Variants in NAT10 observed in about 807,000 individuals in gnomAD.
NAT10 encodes RNA cytidine acetyltransferase.
NAT10 carries 109 observed loss-of-function variants against 132.2 expected under a neutral mutation model. The observed-to-expected ratio is 0.82, with a 90% CI of 0.71 to 0.97. The LOEUF is 0.97. Ranked by LOEUF, NAT10 falls within the 50% of genes least tolerant of loss-of-function variation. The pLI is 0.00. For missense variants in NAT10, 1,184 were observed against 1,263.4 expected, an observed-to-expected ratio of 0.94 and a Z score of 0.95; for synonymous variants, 479 against 478.0, an observed-to-expected ratio of 1.00 and a Z score of -0.03.
chr11:34,135,919 G>A (rs1181245903), intron 19 of NAT10, among the ~76,000 whole-genome samples: 1 of 151,774 alleles, frequency 6.6e-6, no homozygotes, highest in Non-Finnish European at 1.5e-5. Context: ...CTGTGATCTC[G>A]CCACTGGACT....
At position 34,126,856 on chromosome 11, in the gene NAT10, A is replaced by G. The variant is rs531262325; in HGVS notation, c.1108-607A>G. Among the ~76,000 whole-genome samples, 39 of 152,360 alleles carry G rather than the reference A, an allele frequency of 2.6e-4. No individual in the cohort carries two copies. In the East Asian group the frequency reaches 6.9e-3, roughly 27 times the overall value. ...AGAGGTTGTTTGTATGCATAAAGAT[A>G]TGTAAGTGTTTATGTATTAAGAAAA... On this transcript the variant is annotated intron_variant, in intron 11 of 28. Coordinates refer to ENST00000257829, the MANE Select transcript of NAT10 (RefSeq NM_024662.3).
chr11:34,136,588 A>T, intron 19 of NAT10, 54 bp from the exon 20 acceptor site: 1 of 1,607,126 alleles, frequency 6.2e-7, no homozygotes, highest in Non-Finnish European at 8.5e-7. Context: ...GTGCTTGACG[A>T]TGTCTCTCTC....
chr11:34,131,829 G>A (rs1852111552), intron 14 of NAT10, among the ~76,000 whole-genome samples: 1 of 151,896 alleles, frequency 6.6e-6, no homozygotes, highest in Admixed American at 6.6e-5. Flanking sequence ...GGGATTACAG[G>A]TGCCAGCCAC....
intron 1 of NAT10, chr11:34,106,041 G>C (rs1252600003): frequency 6.6e-6 from 1 of 152,564 alleles, no homozygotes; most frequent in African/African-American, 2.4e-5. Flanking sequence ...CCACCTCTAA[G>C]TAGTGCCTGT....
intron 25 of NAT10, 85 bp from the exon 26 acceptor site, chr11:34,141,634 A>G (rs1005490763): frequency 4.4e-5 from 52 of 1,182,884 alleles, no homozygotes; most frequent in Admixed American, 3.7e-5. Context: ...ACACCTTTCT[A>G]TAAGACACCA....
At chr11:34,141,690 T>A in intron 25 of NAT10, 29 bp from the exon 26 acceptor site, 2 of 1,607,250 alleles carry the variant, frequency 1.2e-6, no homozygotes. Context: ...TCCTTCATCT[T>A]CTGCTTCTCT....
chr11:34,130,407 C>A (rs1273599503), intron 12 of NAT10, among the ~76,000 whole-genome samples: 1 of 152,206 alleles, frequency 6.6e-6, no homozygotes, highest in Non-Finnish European at 1.5e-5. Flanking sequence ...GACCATTTAA[C>A]TTTGTTCCAG....
intron 19 of NAT10, among the ~76,000 whole-genome samples, chr11:34,135,792 A>G (rs911469619): frequency 1.3e-5 from 2 of 152,140 alleles, no homozygotes; most frequent in Non-Finnish European, 2.9e-5. Flanking sequence ...GCGAAACTCC[A>G]TCTCTACAAA....
chr11:34,140,963 T>C, intron 24 of NAT10, 126 bp from the exon 25 acceptor site: 1 of 1,277,368 alleles, frequency 7.8e-7, no homozygotes, highest in Non-Finnish European at 1.1e-6. Flanking sequence ...AAGATGCCAA[T>C]ATACACAGTG....
chr11:34,123,126 T>C (rs17700714), intron 9 of NAT10, among the ~76,000 whole-genome samples: 12,547 of 152,300 alleles, frequency 0.082, 530 homozygotes, highest in Non-Finnish European at 0.092. Flanking sequence ...CTTACTGTGT[T>C]TGCCTTTGTG....
In NAT10 at chr11:34,132,204, G is replaced by A. The variant is rs774400250; in HGVS notation, c.1600G>A (p.Val534Met). Residue 534 changes from valine to methionine, a missense_variant, in exon 15 of 29, where the codon GTG (valine) becomes ATG (methionine). Physicochemically the swap from Val to Met is conservative, Grantham distance 21 (BLOSUM62 1). Coordinates refer to ENST00000257829, the MANE Select transcript of NAT10 (RefSeq NM_024662.3). ...CCTCCAACGGCTTATGGCCCTCTAC[G>A]TGGCTTCTCACTACAAGGTAACTGC... Reference protein sequence around the residue: ...VFLQRLMALYVASHYKNSPND... With the variant: ...VFLQRLMALYMASHYKNSPND... The A allele has an allele frequency of 7.4e-6, 12 of 1,613,906 alleles. No homozygotes were observed. Among genetic ancestry groups the A allele is most frequent in the South Asian group, 6.6e-5 (6 of 91,082 alleles).
chr11:34,115,923 T>C (rs1851776306), intron 6 of NAT10, 39 bp downstream of exon 6: 4 of 1,597,280 alleles, frequency 2.5e-6, no homozygotes, highest in South Asian at 2.2e-5. Flanking sequence ...GGCAGCCACA[T>C]TGGGAGGGAC....
At chr11:34,108,448 G>A (rs1175738250) in intron 2 of NAT10, 115 bp downstream of exon 2, 2 of 839,628 alleles carry the variant, frequency 2.4e-6, no homozygotes, top group Non-Finnish European at 3.9e-6. Flanking sequence ...TGGCTGGTAA[G>A]ATGCCTAGTG....
chr11:34,106,287 T>C (rs1435795076), intron 1 of NAT10: 1 of 152,278 alleles, frequency 6.6e-6, no homozygotes, highest in Non-Finnish European at 1.5e-5. Flanking sequence ...ATAGATGTTA[T>C]GTGTAGATAG....
At position 34,113,726 on chromosome 11, in the gene NAT10, C is replaced by A. The variant is rs201730594; in HGVS notation, c.383C>A (p.Ala128Asp). The A allele has an allele frequency of 6.2e-7, 1 of 1,613,140 alleles. No homozygotes were observed. The highest frequency in any genetic ancestry group is 2.2e-5 in the East Asian group (1 of 44,840). ...GCCCCCTTCTTCCAGGATTTTGAAGCCTTAACTCCAAACTTGCTGGCCAGG... is the reference window on the plus strand; with the variant it reads ...GCCCCCTTCTTCCAGGATTTTGAAGACTTAACTCCAAACTTGCTGGCCAGG... ...FGMCVLQDFEALTPNLLARTV... is the reference protein window; with the variant it reads ...FGMCVLQDFEDLTPNLLARTV... The change falls in exon 5 of 29, where the codon GCC (alanine) becomes GAC (aspartate). Residue 128 changes from alanine (A) to aspartate (D), a missense_variant. Ala to Asp is a moderately radical substitution (Grantham distance 126). Coordinates refer to ENST00000257829, the MANE Select transcript of NAT10 (RefSeq NM_024662.3).
chr11:34,129,278 T>C (rs80119048), intron 12 of NAT10, among the ~76,000 whole-genome samples: 12,622 of 152,288 alleles, frequency 0.083, 536 homozygotes, highest in Non-Finnish European at 0.092. Flanking sequence ...GACTTTTCTG[T>C]ATCCTCTCAC....
At chr11:34,132,973 G>A (rs1852131265) in intron 15 of NAT10, 53 bp from the exon 16 acceptor site, 8 of 1,453,368 alleles carry the variant, frequency 5.5e-6, no homozygotes, top group Admixed American at 1.7e-5. Context: ...AACCTTTTGC[G>A]TAAAGGGCAA....
chr11:34,136,936 A>G, intron 20 of NAT10, 42 bp from the exon 21 acceptor site: 1 of 1,612,872 alleles, frequency 6.2e-7, no homozygotes, highest in Non-Finnish European at 8.5e-7. Flanking sequence ...GCCACTCCCC[A>G]GAGGCCACAC....
chr11:34,134,728 G>A, intron 18 of NAT10, 142 bp downstream of exon 18: 1 of 437,366 alleles, frequency 2.3e-6, no homozygotes, highest in Non-Finnish European at 4.6e-6. Flanking sequence ...TTGAGCCAGG[G>A]TTCGGGGTGG....
Sources: allele counts gnomAD v4.1 joint callset (sites outside exome capture counted in the v4.1 genomes callset), GRCh38; gene constraint gnomAD v4.1.1; transcripts MANE v1.5; gene names NCBI Gene and HGNC (gene_info 2026-07-23, HGNC 2026-07-21).